PHF5A: variants seen among roughly 807,000 people sequenced by gnomAD.
PHF5A encodes PHD finger-like domain-containing protein 5A.
For missense variants in PHF5A, 24 were observed against 140.6 expected (o/e 0.17, Z 4.19); for synonymous variants, 52 against 46.0 (o/e 1.13, Z -0.52).
Position 41,468,685 on chromosome 22 carries a change from CGG to C in PHF5A, c.-34_-33del. 6.2e-7 allele frequency: 1 copy of C among 1,608,362 alleles called. No homozygotes were observed. Among genetic ancestry groups the C allele is most frequent in the African/African-American group, 1.3e-5 (1 of 74,922 alleles). On this transcript the variant is annotated 5_prime_UTR_variant, in exon 1 of 4. Transcript: ENST00000216252. ...TAACTAAGCCGGCCACCGGAAGCTT[CGG>C]GAACTTCCGTCCGACCTTTAACCCC... is the stretch of plus-strand genomic sequence containing the variant.
At position 41,467,466 on chromosome 22, in the gene PHF5A, G is replaced by A; in HGVS notation, c.225C>T (p.Cys75=). 4 of 1,614,084 alleles carry A rather than the reference G, an allele frequency of 2.5e-6. No individual in the cohort carries two copies. Among genetic ancestry groups the A allele is most frequent in the Non-Finnish European group, 1.7e-6 (2 of 1,180,034 alleles). The change falls in exon 3 of 4, where the codon TGC becomes TGT. Residue 75 remains cysteine (C), a synonymous_variant. Coordinates refer to ENST00000216252, the MANE Select transcript of PHF5A (RefSeq NM_032758.4). ...CACTTACGTCCTTCTCCTGGATGGT[G>A]CACTCCTTACAATAATAGGCATCAG... The part of the protein sequence containing the change: ...GVSDAYYCKE[C]TIQEKDRDGC...
chr22:41,465,280 C>T (rs1168272837), intron 3 of PHF5A, among the ~76,000 whole-genome samples: 1 of 151,932 alleles, frequency 6.6e-6, no homozygotes, highest in East Asian at 1.9e-4. Flanking sequence ...TGGGTTCAAG[C>T]GATTCTCCTG....
intron 3 of PHF5A, among the ~76,000 whole-genome samples, chr22:41,464,917 T>C (rs936865834): frequency 1.3e-5 from 2 of 152,182 alleles, no homozygotes; most frequent in Non-Finnish European, 2.9e-5. Context: ...ACAAGTACCA[T>C]GCTTGCACCG....
chr22:41,463,724 CAAAAAAAAAA>C (rs11387908), intron 3 of PHF5A, among the ~76,000 whole-genome samples: 8 of 59,066 alleles, frequency 1.4e-4, no homozygotes, highest in African/African-American at 5.9e-4. Flanking sequence ...GACTCTGTCT[CAAAAAAAAAA>C]AAAAAAAAAA....
At chr22:41,460,524 G>T in intron 3 of PHF5A, 37 bp from the exon 4 acceptor site, 1 of 1,528,054 alleles carries the variant, frequency 6.5e-7, no homozygotes, top group South Asian at 1.2e-5. Flanking sequence ...AAGTCTTTGA[G>T]CCTGAACCAA....
At chr22:41,466,877 TTGGGAGGATGAGA>T (rs1174461052) in intron 3 of PHF5A, among the ~76,000 whole-genome samples, 1 of 151,882 alleles carries the variant, frequency 6.6e-6, no homozygotes, top group Non-Finnish European at 1.5e-5. Flanking sequence ...TCCCAGCTAC[TTGGGAGGATGAGA>T]TGGGAGGATC....
chr22:41,465,157 G>C (rs2037855846), intron 3 of PHF5A, among the ~76,000 whole-genome samples: 1 of 152,134 alleles, frequency 6.6e-6, no homozygotes, highest in African/African-American at 2.4e-5. Context: ...CTAAACAACA[G>C]AAGATTCAAT....
rs201597741 is a variant in PHF5A, at chr22:41,460,373, G to C, written c.*25C>G. Reference sequence around the variant, plus strand: ...TGGCAGCTGCAGCAGACTGATGTTGGGGGGAGGAAGGGGCCACCCACCAAT... The same window carrying C: ...TGGCAGCTGCAGCAGACTGATGTTGCGGGGAGGAAGGGGCCACCCACCAAT... On this transcript the variant is annotated 3_prime_UTR_variant, in exon 4 of 4. Coordinates refer to ENST00000216252, the MANE Select transcript of PHF5A (RefSeq NM_032758.4). 89 of 1,565,194 alleles carry C rather than the reference G, an allele frequency of 5.7e-5. No homozygotes were observed. In the Middle Eastern group the frequency reaches 5.7e-4, roughly 10 times the overall value.
rs567312471 is a variant in PHF5A at position 41,465,242 on chromosome 22, G to A, written c.243+2206C>T. ...GATTGGAGTGCAATGGTGTGATCTC[G>A]GCTCAGCTGACTGCAACCTCTGCCT... On this transcript the variant is annotated intron_variant, in intron 3 of 3. Transcript: ENST00000216252. Among the ~76,000 whole-genome samples, 8 of 151,438 alleles carry A rather than the reference G, an allele frequency of 5.3e-5. No individual in the cohort carries two copies. In the East Asian group the frequency reaches 7.8e-4, roughly 15 times the overall value.
chr22:41,468,164 G>A lies in PHF5A; in HGVS notation c.53-17C>T, dbSNP rs2037887496. On this transcript the variant is annotated splice_polypyrimidine_tract_variant and intron_variant, in intron 1 of 3. Transcript: ENST00000216252. ...TTCCGATGGCTGCAAGATGAAAGAT[G>A]GTAAAAAGTACAATTAGAATAAAGG... 1.2e-6 allele frequency: 2 copies of A among 1,613,474 alleles called. No individual in the cohort carries two copies. The highest frequency in any genetic ancestry group is 1.7e-6 in the Non-Finnish European group (2 of 1,179,606).
chr22:41,467,282 G>A (rs370490231), intron 3 of PHF5A, among the ~76,000 whole-genome samples, 166 bp downstream of exon 3: 1 of 151,994 alleles, frequency 6.6e-6, no homozygotes, highest in East Asian at 1.9e-4. Context: ...CAAAATAACT[G>A]CCTTTTATTG....
rs999945259 is a variant in PHF5A, at chr22:41,459,880, T to G, written c.*518A>C. The G allele has an allele frequency of 6.1e-5, 9 of 146,544 alleles. No individual in the cohort carries two copies. Among genetic ancestry groups the G allele is most frequent in the Admixed American group, 3.4e-4 (5 of 14,726 alleles). 9.1% of individuals were successfully genotyped at this position (146,544 alleles called of 1,614,324 possible). ...GACAAGTGTTAAACAAGTAAATGCC[T>G]TTCAAGAGGGCAGAGCCCTGCCCCC... is the stretch of plus-strand genomic sequence containing the variant. On this transcript the variant is annotated 3_prime_UTR_variant, in exon 4 of 4. Transcript: ENST00000216252.
chr22:41,466,244 C>A (rs1020286841), intron 3 of PHF5A, among the ~76,000 whole-genome samples: 1 of 151,934 alleles, frequency 6.6e-6, no homozygotes, highest in Non-Finnish European at 1.5e-5. Context: ...CAATACTAAC[C>A]GAAAAAAATG....
chr22:41,468,161 G>C lies in PHF5A; in HGVS notation c.53-14C>G, dbSNP rs548572822. On this transcript the variant is annotated splice_polypyrimidine_tract_variant and intron_variant, in intron 1 of 3. Transcript: ENST00000216252. ...GTCTTCCGATGGCTGCAAGATGAAA[G>C]ATGGTAAAAAGTACAATTAGAATAA... 2 of 1,613,840 alleles carry C rather than the reference G, an allele frequency of 1.2e-6. No individual in the cohort carries two copies. Among genetic ancestry groups the C allele is most frequent in the South Asian group, 2.2e-5 (2 of 91,058 alleles).
intron 3 of PHF5A, among the ~76,000 whole-genome samples, chr22:41,466,785 G>A (rs1238472154): frequency 6.6e-6 from 1 of 152,114 alleles, no homozygotes; most frequent in Non-Finnish European, 1.5e-5. Flanking sequence ...GAGCCCAGGA[G>A]TTCGAGACCA....
intron 3 of PHF5A, among the ~76,000 whole-genome samples, chr22:41,463,305 G>A (rs1601865464): frequency 6.6e-6 from 1 of 152,076 alleles, no homozygotes; most frequent in East Asian, 1.9e-4. Context: ...GAAACACTGA[G>A]TCACGACGGG....
At chr22:41,463,970 C>T (rs1170412868) in intron 3 of PHF5A, among the ~76,000 whole-genome samples, 1 of 152,096 alleles carries the variant, frequency 6.6e-6, no homozygotes, top group South Asian at 2.1e-4. Context: ...CTTGGGCTAA[C>T]CAAGTTGCTT....
chr22:41,461,203 C>A (rs762288587), intron 3 of PHF5A, among the ~76,000 whole-genome samples: 2 of 151,986 alleles, frequency 1.3e-5, no homozygotes, highest in African/African-American at 2.4e-5. Context: ...ATTTTATAAC[C>A]TTTGGATTAA....
Position 41,460,107 on chromosome 22 carries a change from A to G in PHF5A, c.*291T>C. On this transcript the variant is annotated 3_prime_UTR_variant, in exon 4 of 4. Transcript: ENST00000216252. ...TTTTAGAAGATCTTGGTTGAGGGAGAACATACCAATATGGAGAACAGATCT... is the reference window on the plus strand; with the variant it reads ...TTTTAGAAGATCTTGGTTGAGGGAGGACATACCAATATGGAGAACAGATCT... The G allele has an allele frequency of 4.5e-6, 1 of 222,542 alleles. No homozygotes were observed. Among genetic ancestry groups the G allele is most frequent in the Non-Finnish European group, 8.8e-6 (1 of 114,136 alleles). 13.8% of individuals were successfully genotyped at this position (222,542 alleles called of 1,614,324 possible). A position where few individuals can be genotyped will look rare whatever the true frequency, so the allele number is the denominator to read the frequency against.
Sources: allele counts gnomAD v4.1 joint callset (sites outside exome capture counted in the v4.1 genomes callset), GRCh38; gene constraint gnomAD v4.1.1; transcripts MANE v1.5; gene names NCBI Gene and HGNC (gene_info 2026-07-23, HGNC 2026-07-21).